The following DCC variants were observed in gnomAD, a reference collection of about 807,000 sequenced individuals.
The protein encoded by DCC is netrin receptor DCC.
Under a neutral mutation model 172.5 loss-of-function variants are expected in DCC, and 58 were observed. The observed-to-expected ratio is 0.34, with a 90% CI of 0.27 to 0.42. The LOEUF is 0.42. DCC is among the 10% of genes least tolerant of loss of function. The pLI is 1.00. For synonymous variants in DCC, 709 were observed against 644.5 expected (o/e 1.10, Z -1.52); for missense variants, 1,740 against 1,791.0 (o/e 0.97, Z 0.51).
At chr18:52,597,813 C>G (rs11875402) in intron 1 of DCC, among the ~76,000 whole-genome samples, 5,988 of 152,258 alleles carry the variant, frequency 0.039, 424 homozygotes, top group African/African-American at 0.14. Context: ...GCTCTAGATT[C>G]TTCTCAATAA....
chr18:52,946,658 A>G (rs763315250), intron 5 of DCC, among the ~76,000 whole-genome samples: 1 of 152,172 alleles, frequency 6.6e-6, no homozygotes, highest in Non-Finnish European at 1.5e-5. Flanking sequence ...AAGCTCCACA[A>G]TGCAAACACA....
chr18:53,091,869 A>G (rs1488969954), intron 7 of DCC, among the ~76,000 whole-genome samples: 1 of 150,172 alleles, frequency 6.7e-6, no homozygotes, highest in Non-Finnish European at 1.5e-5. Context: ...CTATATATAT[A>G]TATATATCTA....
At chr18:52,649,973 A>ATTTTTTTT (rs71175512) in intron 1 of DCC, among the ~76,000 whole-genome samples, 7 of 106,888 alleles carry the variant, frequency 6.5e-5, no homozygotes, top group African/African-American at 1.5e-4. Context: ...TGATAGTTCT[A>ATTTTTTTT]TTTTTTTTTT....
At chr18:52,700,239 T>C (rs535616645) in intron 1 of DCC, among the ~76,000 whole-genome samples, 126 of 115,632 alleles carry the variant, frequency 1.1e-3, no homozygotes, top group Non-Finnish European at 1.8e-3. Flanking sequence ...CACACTCACA[T>C]GCACACTCAC....
intron 8 of DCC, among the ~76,000 whole-genome samples, chr18:53,168,480 C>G (rs2054959520): frequency 6.7e-6 from 1 of 148,230 alleles, no homozygotes; most frequent in South Asian, 2.1e-4. Flanking sequence ...AGACCAAACA[C>G]CACATGTTCT....
chr18:52,982,334 T>C (rs2041225746), intron 5 of DCC, among the ~76,000 whole-genome samples: 1 of 151,984 alleles, frequency 6.6e-6, no homozygotes, highest in Non-Finnish European at 1.5e-5. Flanking sequence ...ATGAGGGCAA[T>C]GCAGCAGATG....
intron 1 of DCC, among the ~76,000 whole-genome samples, chr18:52,355,698 G>T (rs11874485): frequency 0.034 from 5,164 of 152,198 alleles, 293 homozygotes; most frequent in African/African-American, 0.12. Context: ...TTAACAAAAT[G>T]GTTGGAGGAA....
chr18:53,009,690 T>C (rs569447010), intron 5 of DCC, among the ~76,000 whole-genome samples: 5 of 152,100 alleles, frequency 3.3e-5, no homozygotes, highest in Admixed American at 1.3e-4. Flanking sequence ...GACAACATTT[T>C]TGGCATTTAG....
intron 14 of DCC, among the ~76,000 whole-genome samples, chr18:53,332,924 G>T (rs1003760639): frequency 6.6e-6 from 1 of 152,120 alleles, no homozygotes; most frequent in Non-Finnish European, 1.5e-5. Context: ...TTAAAAATTA[G>T]CCAAGTGTGG....
At chr18:52,581,555 G>T (rs78036763) in intron 1 of DCC, among the ~76,000 whole-genome samples, 6,270 of 152,172 alleles carry the variant, frequency 0.041, 162 homozygotes, top group Non-Finnish European at 0.054. Context: ...AAAGAGATAA[G>T]AATCTCTTGT....
intron 2 of DCC, among the ~76,000 whole-genome samples, chr18:52,818,418 T>TAAAAAAAAAA (rs55812629): frequency 1.0e-5 from 1 of 97,094 alleles, no homozygotes; most frequent in African/African-American, 3.4e-5. Flanking sequence ...TCTCAAAAAG[T>TAAAAAAAAAA]AAAAAAAAAA....
chr18:53,457,594 A>G (rs925969916), intron 23 of DCC, among the ~76,000 whole-genome samples: 2 of 152,212 alleles, frequency 1.3e-5, no homozygotes, highest in South Asian at 2.1e-4. Flanking sequence ...TACATTTTCT[A>G]TGAAGTTACC....
At chr18:53,194,890 A>G (rs928385796) in intron 9 of DCC, among the ~76,000 whole-genome samples, 2 of 152,252 alleles carry the variant, frequency 1.3e-5, no homozygotes, top group African/African-American at 4.8e-5. Flanking sequence ...TTCTTCTAAC[A>G]ATACTGACAG....
chr18:53,361,618 CCAGT>C (rs991155259), intron 15 of DCC, among the ~76,000 whole-genome samples: 28 of 152,214 alleles, frequency 1.8e-4, no homozygotes, highest in Middle Eastern at 3.4e-3. Flanking sequence ...CAATTGTTGG[CCAGT>C]CAAACACATC....
intron 1 of DCC, among the ~76,000 whole-genome samples, chr18:52,468,849 G>A (rs944594396): frequency 2.0e-5 from 3 of 151,982 alleles, no homozygotes; most frequent in Non-Finnish European, 4.4e-5. Context: ...AATTTTAAAA[G>A]TAAAGTGTGT....
intron 2 of DCC, among the ~76,000 whole-genome samples, chr18:52,779,951 T>A (rs9959370): frequency 0.053 from 8,040 of 152,306 alleles, 288 homozygotes; most frequent in South Asian, 0.16. Flanking sequence ...TTAAACATGT[T>A]AAGATTTTGA....
intron 1 of DCC, among the ~76,000 whole-genome samples, chr18:52,559,676 A>C (rs1237765686): frequency 6.6e-6 from 1 of 151,932 alleles, no homozygotes; most frequent in Non-Finnish European, 1.5e-5. Flanking sequence ...TCTCTAACCC[A>C]CCAGTTATTC....
intron 1 of DCC, among the ~76,000 whole-genome samples, chr18:52,636,436 C>T (rs1328935288): frequency 6.6e-6 from 1 of 151,974 alleles, no homozygotes; most frequent in East Asian, 1.9e-4. Flanking sequence ...TAGCCTGGGG[C>T]AGGTTTTCAA....
At chr18:53,220,056 A>T (rs1417128726) in intron 12 of DCC, among the ~76,000 whole-genome samples, 1 of 152,102 alleles carries the variant, frequency 6.6e-6, no homozygotes, top group Non-Finnish European at 1.5e-5. Flanking sequence ...CCAAGTCCAT[A>T]GCCAAGTGGG....
Sources: gnomAD v4.1 joint callset for allele counts (sites outside exome capture counted in the v4.1 genomes callset) on GRCh38, gnomAD v4.1.1 for gene constraint, MANE v1.5 for transcripts, NCBI Gene and HGNC (gene_info 2026-07-23, HGNC 2026-07-21) for gene names.